LRP1B: variants seen among roughly 807,000 people sequenced by gnomAD.
The protein encoded by LRP1B is low-density lipoprotein receptor-related protein 1B.
Under a neutral mutation model 556.6 loss-of-function variants are expected in LRP1B, and 217 were observed. That is an observed-to-expected ratio of 0.39 (90% CI 0.35 to 0.44). The LOEUF is 0.44. Among genes scored for constraint, LRP1B ranks in the 20% least tolerant of loss-of-function variants. The pLI is 1.00. For missense variants in LRP1B, 5,053 were observed against 5,620.8 expected (o/e 0.90, Z 3.23); for synonymous variants, 2,047 against 1,865.8 (o/e 1.10, Z -2.50).
intron 7 of LRP1B, among the ~76,000 whole-genome samples, chr2:141,174,536 G>A (rs1223695831): frequency 6.6e-6 from 1 of 152,076 alleles, no homozygotes; most frequent in African/African-American, 2.4e-5. Context: ...ACCATGTGAA[G>A]AAGGTTCTTG....
chr2:140,886,285 T>A lies in LRP1B; in HGVS notation c.3817A>T (p.Ile1273Phe). 1.9e-6 allele frequency: 3 copies of A among 1,607,102 alleles called. No individual in the cohort carries two copies. Among genetic ancestry groups the A allele is most frequent in the Non-Finnish European group, 2.6e-6 (3 of 1,175,788 alleles). ...IFSIRHEIRR[I>F]DLHKRDYSLL... is the part of the protein sequence containing the mutation. ...CTATAGTCTCTTTTGTGAAGATCAA[T>A]CCTTCTGATCTCATGACGAATAGAA... The change falls in exon 24 of 91, where the codon ATT (isoleucine) becomes TTT (phenylalanine). Residue 1273 changes from isoleucine (I) to phenylalanine (F), a missense_variant. Physicochemically the swap from Ile to Phe is conservative, Grantham distance 21. Transcript: ENST00000389484.
At chr2:140,698,388 T>C (rs1029242760) in intron 41 of LRP1B, among the ~76,000 whole-genome samples, 5 of 152,112 alleles carry the variant, frequency 3.3e-5, no homozygotes, top group African/African-American at 1.2e-4. Flanking sequence ...TTTATCAATG[T>C]TTTTAAAGTT....
chr2:140,753,498 T>C (rs960356138), intron 35 of LRP1B, among the ~76,000 whole-genome samples: 1 of 152,216 alleles, frequency 6.6e-6, no homozygotes, highest in Non-Finnish European at 1.5e-5. Flanking sequence ...AGGAGTCCAC[T>C]TCCAGAATGT....
intron 3 of LRP1B, among the ~76,000 whole-genome samples, chr2:141,430,206 C>T (rs1050537106): frequency 6.6e-6 from 1 of 151,540 alleles, no homozygotes; most frequent in African/African-American, 2.4e-5. Flanking sequence ...GTCACTGGAA[C>T]TGTGACATCT....
intron 3 of LRP1B, among the ~76,000 whole-genome samples, chr2:141,262,947 T>G (rs1271497342): frequency 1.3e-5 from 2 of 151,940 alleles, no homozygotes; most frequent in African/African-American, 4.8e-5. Flanking sequence ...TACTAGGATA[T>G]TAATTGGAAT....
chr2:141,517,263 C>CACACACACACACACACACACAT (rs1435425208), intron 2 of LRP1B, among the ~76,000 whole-genome samples: 2 of 150,494 alleles, frequency 1.3e-5, no homozygotes, highest in Non-Finnish European at 3.0e-5. Flanking sequence ...CAAGAATACG[C>CACACACACACACACACACACAT]ACACACACAG....
rs1376335536 is a variant in LRP1B at position 140,700,476 on chromosome 2, A to G, written c.6573T>C (p.Tyr2191=). The change falls in exon 41 of 91, where the codon TAT becomes TAC. Residue 2191 remains tyrosine (Y), a synonymous_variant. Transcript: ENST00000389484. ...TCLRHEGYLL[Y]SGRTILKSIH... ...TACTTTTTAATATTGTTCTTCCTGA[A>G]TACAGTAAATAGCCTTCATGCCTCA... The G allele has an allele frequency of 9.3e-6, 15 of 1,613,386 alleles. No homozygotes were observed. Among genetic ancestry groups the G allele is most frequent in the African/African-American group, 1.3e-5 (1 of 74,870 alleles).
At chr2:141,293,848 T>A (rs1199918725) in intron 3 of LRP1B, among the ~76,000 whole-genome samples, 2 of 152,148 alleles carry the variant, frequency 1.3e-5, no homozygotes, top group Non-Finnish European at 2.9e-5. Flanking sequence ...GACACATTCA[T>A]GTTACTCATA....
chr2:141,833,220 A>C (rs1212168113), intron 1 of LRP1B, among the ~76,000 whole-genome samples: 1 of 151,810 alleles, frequency 6.6e-6, no homozygotes, highest in Non-Finnish European at 1.5e-5. Flanking sequence ...AGATTCTACA[A>C]CATAAAGTAT....
rs76079692 is a variant in LRP1B, at chr2:140,367,541, T to A, written c.11009-2758A>T. ...ACTTCTGCAATGCTGAGCTCCATAC[T>A]GCTGTATTTACAATTAATCTCAATT... On this transcript the variant is annotated intron_variant, in intron 71 of 90. Transcript: ENST00000389484. Among the ~76,000 whole-genome samples the A allele has an allele frequency of 3.3e-3, 505 of 151,882 alleles. 3 individuals are homozygous for A. Among genetic ancestry groups the A allele is most frequent in the Non-Finnish European group, 5.5e-3 (372 of 67,836 alleles).
At chr2:140,569,228 G>A (rs1167501211) in intron 43 of LRP1B, among the ~76,000 whole-genome samples, 2 of 151,738 alleles carry the variant, frequency 1.3e-5, no homozygotes, top group African/African-American at 2.4e-5. Context: ...TAATAACCTC[G>A]AATGAAAATG....
chr2:140,443,965 A>G (rs1032085490), intron 65 of LRP1B, among the ~76,000 whole-genome samples: 10 of 152,188 alleles, frequency 6.6e-5, no homozygotes, highest in South Asian at 2.1e-4. Context: ...TAATTTCAAG[A>G]AACTGATTAA....
chr2:141,886,682 C>T (rs1207214210), intron 1 of LRP1B, among the ~76,000 whole-genome samples: 1 of 152,144 alleles, frequency 6.6e-6, no homozygotes, highest in East Asian at 1.9e-4. Context: ...TAAAATCAGT[C>T]AAATTATTTT....
At chr2:140,880,086 T>C (rs1194765973) in intron 25 of LRP1B, among the ~76,000 whole-genome samples, 3 of 152,184 alleles carry the variant, frequency 2.0e-5, no homozygotes, top group African/African-American at 7.2e-5. Flanking sequence ...TCACAATTAC[T>C]ACTTCTACTT....
At chr2:141,337,026 A>G (rs1267068571) in intron 3 of LRP1B, among the ~76,000 whole-genome samples, 1 of 152,188 alleles carries the variant, frequency 6.6e-6, no homozygotes, top group Non-Finnish European at 1.5e-5. Context: ...CTGGGTAAAC[A>G]AAAGTTTTAT....
chr2:140,786,661 T>C (rs974756013), intron 32 of LRP1B, among the ~76,000 whole-genome samples: 1 of 152,134 alleles, frequency 6.6e-6, no homozygotes, highest in Admixed American at 6.6e-5. Context: ...ATGGAGAGCA[T>C]TGAAGAACAA....
intron 1 of LRP1B, among the ~76,000 whole-genome samples, chr2:142,027,570 C>A (rs1703551847): frequency 6.6e-6 from 1 of 151,588 alleles, no homozygotes; most frequent in Admixed American, 6.6e-5. Flanking sequence ...ATTTATGTGC[C>A]AGGCCCTGTT....
chr2:141,836,142 C>T (rs1379931459), intron 1 of LRP1B, among the ~76,000 whole-genome samples: 1 of 151,854 alleles, frequency 6.6e-6, no homozygotes, highest in African/African-American at 2.4e-5. Context: ...TTTAATTTAC[C>T]TGTTTGGGAA....
At chr2:140,845,354 A>G (rs1692242453) in intron 29 of LRP1B, among the ~76,000 whole-genome samples, 1 of 152,164 alleles carries the variant, frequency 6.6e-6, no homozygotes, top group Non-Finnish European at 1.5e-5. Context: ...AAACCAAAGA[A>G]AGGGAAAAAT....
Sources: allele counts gnomAD v4.1 joint callset (sites outside exome capture counted in the v4.1 genomes callset), GRCh38; gene constraint gnomAD v4.1.1; transcripts MANE v1.5; gene names NCBI Gene and HGNC (gene_info 2026-07-23, HGNC 2026-07-21).